The following PRDM15 variants were observed in gnomAD, a reference collection of about 807,000 sequenced individuals.
PRDM15 encodes the protein PR/SET domain 15.
A neutral mutation model predicts 128.6 loss-of-function variants in PRDM15; 64 were observed. The ratio of observed to expected loss-of-function variants is 0.50; its 90% CI spans 0.41 to 0.61. The LOEUF (loss-of-function observed/expected upper bound fraction) is 0.61. Ranked by LOEUF, PRDM15 falls within the 20% of genes least tolerant of loss-of-function variation. The probability of loss-of-function intolerance (pLI) is 0.00; values close to 1 mark genes in which losing one functional copy is unlikely to be tolerated. For synonymous variants in PRDM15, 615 were observed against 621.8 expected, an observed-to-expected ratio of 0.99 and a Z score of 0.16; for missense variants, 1,242 against 1,569.1, an observed-to-expected ratio of 0.79 and a Z score of 3.52.
At position 41,874,175 on chromosome 21, in the gene PRDM15, G is replaced by A. The variant is rs118003713; in HGVS notation, c.-10+5095C>T. On this transcript the variant is annotated intron_variant, in intron 1 of 23. Transcript: ENST00000398548. ...TTGCTTAATTTAAAAAAAAAAGGGC[G>A]GGAGGACTGACTCCTACTTAACGAT... Among the ~76,000 whole-genome samples, 199 of 152,008 alleles carry A rather than the reference G, an allele frequency of 1.3e-3. 3 individuals are homozygous for A. In the East Asian group the frequency reaches 0.028, roughly 21 times the overall value.
intron 5 of PRDM15, among the ~76,000 whole-genome samples, chr21:41,850,079 C>T (rs181063385): frequency 6.6e-5 from 10 of 152,332 alleles, no homozygotes; most frequent in African/African-American, 2.4e-4. Flanking sequence ...ACTCTTTTCA[C>T]CAGAAAGGTG....
intron 21 of PRDM15, among the ~76,000 whole-genome samples, chr21:41,807,739 G>A (rs192687100): frequency 3.3e-5 from 5 of 152,320 alleles, no homozygotes; most frequent in Non-Finnish European, 7.4e-5. Flanking sequence ...ACTGTGAGAT[G>A]ATCAAAAGGA....
chr21:41,804,840 C>G (rs1278314528), intron 21 of PRDM15: 2 of 420,278 alleles, frequency 4.8e-6, no homozygotes, highest in Admixed American at 4.2e-5. Flanking sequence ...AATGGTCTTG[C>G]CCCTGTATCA....
intron 21 of PRDM15, among the ~76,000 whole-genome samples, chr21:41,806,033 T>C (rs796646047): frequency 0.097 from 1,335 of 13,832 alleles, 2 homozygotes; most frequent in Middle Eastern, 0.19. Flanking sequence ...ACCACCACCA[T>C]CACCACCACC....
rs1457516355 is a variant in PRDM15, at chr21:41,828,672, C to T, written c.1367-339G>A. Among the ~76,000 whole-genome samples the T allele has an allele frequency of 6.6e-6, 1 of 151,968 alleles. No homozygotes were observed. The highest frequency in any genetic ancestry group is 2.4e-5 in the African/African-American group (1 of 41,352). ...GAAAGCTGCCCAGTCCAAAGCTTCC[C>T]CTGGGCCTGCACCCTCCACCCAGCA... On this transcript the variant is annotated intron_variant, in intron 11 of 23. Transcript: ENST00000398548. The surrounding 1 kb of genome is among the most constrained non-coding windows in gnomAD (Gnocchi z 5.7).
chr21:41,875,911 T>C (rs1423883841), intron 1 of PRDM15, among the ~76,000 whole-genome samples: 1 of 152,140 alleles, frequency 6.6e-6, no homozygotes, highest in East Asian at 1.9e-4. Flanking sequence ...TGTGCAAACA[T>C]GATAGAGTGT....
rs981298314 is a variant in PRDM15, at chr21:41,862,557, C to T, written c.-9-2185G>A. Among the ~76,000 whole-genome samples the T allele has an allele frequency of 2.0e-5, 3 of 152,158 alleles. No individual in the cohort carries two copies. The highest frequency in any genetic ancestry group is 4.4e-5 in the Non-Finnish European group (3 of 68,022). On this transcript the variant is annotated intron_variant, in intron 1 of 23. Coordinates refer to ENST00000398548, the MANE Select transcript of PRDM15 (RefSeq NM_001040424.3). This position sits in a 1 kb window ranked among gnomAD's most constrained non-coding sequence, Gnocchi z 4.1. ...GGGTTTTAGCCCCCTGTGCTGCACT[C>T]TGATTCTATGTAAATGTCCGAGTCC...
chr21:41,804,831 A>G (rs945911507), intron 21 of PRDM15: 82 of 441,084 alleles, frequency 1.9e-4, no homozygotes, highest in African/African-American at 1.7e-3. Flanking sequence ...TGCTCCCACA[A>G]TGGTCTTGCC....
chr21:41,878,723 T>A, intron 1 of PRDM15: 1 of 1,571,652 alleles, frequency 6.4e-7, no homozygotes, highest in Non-Finnish European at 8.6e-7. Flanking sequence ...AACGCGGGGT[T>A]GGGGGTCCAG....
Position 41,801,072 on chromosome 21 carries a change from G to T in PRDM15, c.*168C>A, listed in dbSNP as rs931051260. ...CAGAGGTCCCTTCTAGAGTTAAGCTGACAGACCGTAATGGTTGCTGGCGGG... is the reference window on the plus strand; with the variant it reads ...CAGAGGTCCCTTCTAGAGTTAAGCTTACAGACCGTAATGGTTGCTGGCGGG... On this transcript the variant is annotated 3_prime_UTR_variant, in exon 24 of 24. Transcript: ENST00000398548. 7 of 985,320 alleles carry T rather than the reference G, an allele frequency of 7.1e-6. No homozygotes were observed. The African/African-American group carries it at 1.1e-4, about 16-fold the overall frequency. 61.0% of individuals were successfully genotyped at this position (985,320 alleles called of 1,614,324 possible). A position where few individuals can be genotyped will look rare whatever the true frequency, so the allele number is the denominator to read the frequency against.
rs78185621 is a variant in PRDM15, at chr21:41,821,764, G to A, written c.1896+139C>T. ...ATGGACAGGCACCCAGTCTGCAGTA[G>A]GACCACTGGCCGGAGCCTTTGGGGA... On this transcript the variant is annotated intron_variant, in intron 15 of 23. Coordinates refer to ENST00000398548, the MANE Select transcript of PRDM15 (RefSeq NM_001040424.3). This position sits in a 1 kb window ranked among gnomAD's most constrained non-coding sequence, Gnocchi z 5.4. The A allele has an allele frequency of 6.9e-3, 7,111 of 1,032,092 alleles. 301 individuals are homozygous for A. In the African/African-American group the frequency reaches 0.096, roughly 14 times the overall value. 63.9% of individuals were successfully genotyped at this position (1,032,092 alleles called of 1,614,324 possible).
rs1297535236 is a variant in PRDM15, at chr21:41,859,104, G to A, written c.131+488C>T. 1.3e-6 allele frequency: 2 copies of A among 1,599,356 alleles called. No homozygotes were observed. Among genetic ancestry groups the A allele is most frequent in the Admixed American group, 3.5e-5 (2 of 57,252 alleles). On this transcript the variant is annotated intron_variant, in intron 3 of 23. Transcript: ENST00000398548. This position sits in a 1 kb window ranked among gnomAD's most constrained non-coding sequence, Gnocchi z 5.3. ...CGGCAGGGCAGCTGCTGCCCACTGA[G>A]CCGCCTCACCAGGCCTGCAGGGACT...
chr21:41,826,842 A>T (rs1036106721), intron 12 of PRDM15, among the ~76,000 whole-genome samples: 1 of 152,252 alleles, frequency 6.6e-6, no homozygotes, highest in Non-Finnish European at 1.5e-5. Flanking sequence ...GGACAAACCC[A>T]TAAAACAGTC....
At chr21:41,869,102 G>A (rs531037892) in intron 1 of PRDM15, among the ~76,000 whole-genome samples, 1 of 152,172 alleles carries the variant, frequency 6.6e-6, no homozygotes, top group Non-Finnish European at 1.5e-5. Flanking sequence ...TTTTCTCCCT[G>A]TCTGGGGCTT....
At position 41,823,301 on chromosome 21, in the gene PRDM15, C is replaced by G. The variant is rs1165576289; in HGVS notation, c.1761+17G>C. 1 of 1,606,022 alleles carries G rather than the reference C, an allele frequency of 6.2e-7. No homozygotes were observed. ...TGCCGTGAGCATGCCTGGGTGAGGG[C>G]AGCACGCGATCGACACCTTGAAGTG... On this transcript the variant is annotated intron_variant, in intron 14 of 23. Coordinates refer to ENST00000398548, the MANE Select transcript of PRDM15 (RefSeq NM_001040424.3).
At chr21:41,817,332 T>C (rs1447943075) in intron 18 of PRDM15, among the ~76,000 whole-genome samples, 1 of 152,212 alleles carries the variant, frequency 6.6e-6, no homozygotes, top group Admixed American at 6.5e-5. Context: ...TTGTAGATCA[T>C]TCCTGAGTAG....
chr21:41,833,653 C>A (rs2062771152), intron 11 of PRDM15, among the ~76,000 whole-genome samples: 1 of 152,166 alleles, frequency 6.6e-6, no homozygotes. Flanking sequence ...ACCTTTGAAA[C>A]TAGAACATCT....
chr21:41,816,133 GGC>G (rs895077322), intron 18 of PRDM15, among the ~76,000 whole-genome samples: 1 of 152,236 alleles, frequency 6.6e-6, no homozygotes, highest in Non-Finnish European at 1.5e-5. Flanking sequence ...GCGTGCCCAT[GGC>G]AACCCGGCGG....
intron 19 of PRDM15, chr21:41,814,846 G>C (rs1426550234): frequency 6.7e-6 from 1 of 148,430 alleles, no homozygotes; most frequent in South Asian, 2.1e-4. Flanking sequence ...TAGTGATTGC[G>C]CACGGTGCTC....
Sources: gnomAD v4.1 joint callset for allele counts (sites outside exome capture counted in the v4.1 genomes callset) on GRCh38, gnomAD v4.1.1 for gene constraint, Gnocchi (gnomAD v3.1) non-coding constraint, MANE v1.5 for transcripts, NCBI Gene and HGNC (gene_info 2026-07-23, HGNC 2026-07-21) for gene names.